The following HEATR5B variants were observed in gnomAD, a reference collection of about 807,000 sequenced individuals.
HEATR5B encodes the protein HEAT repeat containing 5B, also known as HEAT repeat-containing protein 5B.
Under a neutral mutation model 224.1 loss-of-function variants are expected in HEATR5B, and 156 were observed. That is an observed-to-expected ratio of 0.70 (90% CI 0.61 to 0.80). The LOEUF (loss-of-function observed/expected upper bound fraction) is 0.80. Among genes scored for constraint, HEATR5B ranks in the 30% least tolerant of loss-of-function variants. The pLI is 0.00. For synonymous variants in HEATR5B, 1,027 were observed against 893.0 expected (o/e 1.15, Z -2.68); for missense variants, 2,323 against 2,535.5 (o/e 0.92, Z 1.80).
chr2:37,000,403 G>A (rs1386114516), intron 33 of HEATR5B, among the ~76,000 whole-genome samples, 183 bp downstream of exon 33: 1 of 152,098 alleles, frequency 6.6e-6, no homozygotes, highest in Non-Finnish European at 1.5e-5. Flanking sequence ...ATTAACACAA[G>A]GGCATTTAGA....
At position 37,077,039 on chromosome 2, in the gene HEATR5B, C is replaced by A. The variant is rs568871310; in HGVS notation, c.339-20G>T. ...GCAGCCCTGTAAGAAGTGACAACTT[C>A]ACTAGTCATTGTCCAGGTTAATGAT... On this transcript the variant is annotated intron_variant, in intron 3 of 35. Transcript: ENST00000233099. 1.1e-5 allele frequency: 17 copies of A among 1,542,798 alleles called. No homozygotes were observed. The highest frequency in any genetic ancestry group is 1.5e-5 in the Non-Finnish European group (17 of 1,116,740).
intron 26 of HEATR5B, among the ~76,000 whole-genome samples, chr2:37,014,559 T>G (rs1383024802): frequency 6.6e-6 from 1 of 152,176 alleles, no homozygotes; most frequent in East Asian, 1.9e-4. Context: ...CCGTGTACTT[T>G]AACAAAAATG....
chr2:37,046,133 T>C (rs1670176913), intron 18 of HEATR5B, among the ~76,000 whole-genome samples: 4 of 152,194 alleles, frequency 2.6e-5, no homozygotes, highest in Admixed American at 2.0e-4. Context: ...AAAGAAGCTA[T>C]GAAGAAATAC....
rs1029681610 is a variant in HEATR5B, at chr2:37,034,878, CCT to C, written c.3217-2107_3217-2106del. 5.3e-4 allele frequency among the ~76,000 whole-genome samples: 81 copies of C among 152,204 alleles called. 1 individual carries two copies. Among genetic ancestry groups the C allele is most frequent in the African/African-American group, 1.8e-3 (76 of 41,544 alleles). On this transcript the variant is annotated intron_variant, in intron 21 of 35. Transcript: ENST00000233099. Reference sequence around the variant, plus strand: ...CAGCCAACAAAGTACTTTATTTATTCCTCTTCCTGAAAATAAAGACATTTTGG... The same window carrying C: ...CAGCCAACAAAGTACTTTATTTATTCCTTCCTGAAAATAAAGACATTTTGG...
At position 37,028,699 on chromosome 2, in the gene HEATR5B, C is replaced by T; in HGVS notation, c.3583G>A (p.Val1195Ile). 1 of 1,614,002 alleles carries T rather than the reference C, an allele frequency of 6.2e-7. No individual in the cohort carries two copies. Among genetic ancestry groups the T allele is most frequent in the African/African-American group, 1.3e-5 (1 of 75,012 alleles). Residue 1195 changes from valine to isoleucine, a missense_variant, in exon 23 of 36, where the codon GTC becomes ATC. Physicochemically the swap from Val to Ile is conservative, Grantham distance 29. Coordinates refer to ENST00000233099, the MANE Select transcript of HEATR5B (RefSeq NM_019024.3). Reference sequence around the variant, plus strand: ...TACTTACCACTAGAAGCTGCCAGGACATCTTTACAAAGCATTAGCCAATGA... The same window carrying T: ...TACTTACCACTAGAAGCTGCCAGGATATCTTTACAAAGCATTAGCCAATGA... The part of the protein sequence containing the change: ...LSHWLMLCKD[V>I]LAASSDMSTA...
chr2:37,043,188 G>A (rs1053209233), intron 18 of HEATR5B, among the ~76,000 whole-genome samples: 2 of 152,188 alleles, frequency 1.3e-5, no homozygotes, highest in African/African-American at 4.8e-5. Flanking sequence ...TTTTAAACAA[G>A]TGAGATCAAG....
intron 27 of HEATR5B, among the ~76,000 whole-genome samples, chr2:37,011,312 T>C (rs370531258): frequency 6.6e-6 from 1 of 152,292 alleles, no homozygotes; most frequent in East Asian, 1.9e-4. Flanking sequence ...GGAAACTGCA[T>C]GGTAATCTAA....
Position 37,046,346 on chromosome 2 carries a change from G to A in HEATR5B, c.2696+3307C>T, listed in dbSNP as rs190674700. Among the ~76,000 whole-genome samples the A allele has an allele frequency of 4.6e-5, 7 of 152,192 alleles. No homozygotes were observed. In the East Asian group the frequency reaches 1.2e-3, roughly 25 times the overall value. On this transcript the variant is annotated intron_variant, in intron 18 of 35. Transcript: ENST00000233099. ...CAGACTTCTGGCAACCTCATTAAAAGTCAAGAGATGGGCCAGGCGCACTGG... is the reference window on the plus strand; with the variant it reads ...CAGACTTCTGGCAACCTCATTAAAAATCAAGAGATGGGCCAGGCGCACTGG...
intron 33 of HEATR5B, among the ~76,000 whole-genome samples, chr2:36,996,774 T>C (rs1007074666): frequency 2.6e-5 from 4 of 152,190 alleles, no homozygotes; most frequent in African/African-American, 7.2e-5. Flanking sequence ...GTATTTTTAG[T>C]AGAGACAGGG....
intron 5 of HEATR5B, among the ~76,000 whole-genome samples, chr2:37,074,500 G>A (rs934485801): frequency 2.0e-5 from 3 of 152,042 alleles, no homozygotes; most frequent in African/African-American, 4.8e-5. Flanking sequence ...CCTGGTTTAC[G>A]AAATGTTTCC....
At position 37,078,774 on chromosome 2, in the gene HEATR5B, T is replaced by C. The variant is rs112537867; in HGVS notation, c.338+346A>G. Among the ~76,000 whole-genome samples the C allele has an allele frequency of 2.8e-3, 422 of 152,284 alleles. 2 individuals carry two copies. Among genetic ancestry groups the C allele is most frequent in the African/African-American group, 8.6e-3 (358 of 41,566 alleles). ...CGTTCTAGAGTTGTATCCCTAGGCATCTTCTCTTCTCAAATATACTACTCC... is the reference window on the plus strand; with the variant it reads ...CGTTCTAGAGTTGTATCCCTAGGCACCTTCTCTTCTCAAATATACTACTCC... On this transcript the variant is annotated intron_variant, in intron 3 of 35. Coordinates refer to ENST00000233099, the MANE Select transcript of HEATR5B (RefSeq NM_019024.3).
chr2:37,056,499 G>A lies in HEATR5B; in HGVS notation c.2340C>T (p.Val780=), dbSNP rs1360228262. The A allele has an allele frequency of 1.9e-6, 3 of 1,613,252 alleles. No homozygotes were observed. Among genetic ancestry groups the A allele is most frequent in the Non-Finnish European group, 2.5e-6 (3 of 1,179,508 alleles). The stretch of plus-strand genomic sequence containing the variant: ...CAAAAAGGGCCACAGAAGCATCAAT[G>A]ACTGAGACTCCGAGAGGGAGGGGAC... ...VPGPLPLGVS[V]IDASVALFGV... Residue 780 remains valine (V), a synonymous_variant, in exon 16 of 36, where the codon GTC becomes GTT. Transcript: ENST00000233099.
At chr2:37,058,321 A>G (rs1572906663) in intron 14 of HEATR5B, 130 bp downstream of exon 14, 8 of 617,948 alleles carry the variant, frequency 1.3e-5, no homozygotes, top group Middle Eastern at 4.4e-4. Context: ...GCTACTCTAC[A>G]TGAAGAAAAA....
chr2:37,008,896 AATAAG>A (rs755924395), intron 27 of HEATR5B, 48 bp from the exon 28 acceptor site: 11 of 1,124,094 alleles, frequency 9.8e-6, no homozygotes, highest in Non-Finnish European at 1.3e-5. Context: ...AAGATAAAAA[AATAAG>A]ATATTTTACG....
chr2:37,048,101 T>C (rs985709600), intron 18 of HEATR5B, among the ~76,000 whole-genome samples: 9 of 151,926 alleles, frequency 5.9e-5, no homozygotes, highest in African/African-American at 1.4e-4. Flanking sequence ...AACAACTAAA[T>C]TGGACAGGTA....
chr2:37,034,199 G>T (rs1035930920), intron 21 of HEATR5B, among the ~76,000 whole-genome samples: 5 of 150,912 alleles, frequency 3.3e-5, no homozygotes, highest in Admixed American at 1.3e-4. Flanking sequence ...GTAGAGATGG[G>T]GTTTCACCGT....
intron 20 of HEATR5B, among the ~76,000 whole-genome samples, chr2:37,038,676 T>A (rs1408983077): frequency 6.6e-6 from 1 of 152,114 alleles, no homozygotes; most frequent in Non-Finnish European, 1.5e-5. Flanking sequence ...TTAAATCACC[T>A]GTTTTTCCCT....
chr2:37,071,084 T>C (rs1671876683), intron 6 of HEATR5B, among the ~76,000 whole-genome samples: 2 of 152,210 alleles, frequency 1.3e-5, no homozygotes, highest in Non-Finnish European at 1.5e-5. Flanking sequence ...AATTTTGTAA[T>C]ACACTTAATT....
chr2:37,045,418 T>C (rs1670126673), intron 18 of HEATR5B, among the ~76,000 whole-genome samples: 1 of 152,192 alleles, frequency 6.6e-6, no homozygotes, highest in Non-Finnish European at 1.5e-5. Context: ...GGCTTGCTTT[T>C]AAGCTTTTTT....
Sources: gnomAD v4.1 joint callset for allele counts (sites outside exome capture counted in the v4.1 genomes callset) on GRCh38, gnomAD v4.1.1 for gene constraint, MANE v1.5 for transcripts, NCBI Gene and HGNC (gene_info 2026-07-23, HGNC 2026-07-21) for gene names.